The following CELF2 variants were observed in gnomAD, a reference collection of about 807,000 sequenced individuals.
CELF2 encodes the protein CUG triplet repeat RNA-binding protein 2.
A neutral mutation model predicts 62.6 loss-of-function variants in CELF2; 8 were observed. That is an observed-to-expected ratio of 0.13 (90% CI 0.07 to 0.23). The LOEUF (loss-of-function observed/expected upper bound fraction) is 0.23, where lower values mean the gene tolerates loss of function less well. Among genes scored for constraint, CELF2 ranks in the 10% least tolerant of loss-of-function variants. CELF2 has a pLI of 1.00. For synonymous variants in CELF2, 258 were observed against 250.0 expected (o/e 1.03, Z -0.30); for missense variants, 333 against 671.0 (o/e 0.50, Z 5.56).
chr10:10,577,940 C>A, the CELF2 span, among the ~76,000 whole-genome samples: 2 of 152,214 alleles, frequency 1.3e-5, no homozygotes, highest in Non-Finnish European at 2.9e-5. Context: ...GCCACACCGA[C>A]TTCCGCAATG....
chr10:11,197,788 G>A (rs1356246211), intron 2 of CELF2, among the ~76,000 whole-genome samples: 2 of 152,192 alleles, frequency 1.3e-5, no homozygotes, highest in Non-Finnish European at 2.9e-5. Context: ...CATGCTTAGT[G>A]TGCTAGTATA....
Position 11,220,682 on chromosome 10 carries a change from TA to T in CELF2, c.354+3178del, listed in dbSNP as rs1565381445. Among the ~76,000 whole-genome samples, 1 of 152,124 alleles carries T rather than the reference TA, an allele frequency of 6.6e-6. No individual in the cohort carries two copies. Among genetic ancestry groups the T allele is most frequent in the Admixed American group, 6.5e-5 (1 of 15,282 alleles). The stretch of plus-strand genomic sequence containing the variant: ...AACCCTAGAAATACAATGGCAGTCA[TA>T]AAGGAAGCAAATTCAACAGCTCAAC... On this transcript the variant is annotated intron_variant, in intron 3 of 12. Coordinates refer to ENST00000633077, the MANE Select transcript of CELF2 (RefSeq NM_001326342.2). The surrounding 1 kb of genome is among the most constrained non-coding windows in gnomAD (Gnocchi z 4.4).
At chr10:10,773,307 AC>A in the CELF2 span, among the ~76,000 whole-genome samples, 2 of 152,236 alleles carry the variant, frequency 1.3e-5, no homozygotes, top group African/African-American at 2.4e-5. Context: ...ATAGGCACAA[AC>A]AAAAAGCTAT....
intron 1 of CELF2, among the ~76,000 whole-genome samples, chr10:10,876,302 G>C (rs950313771): frequency 1.3e-5 from 2 of 152,092 alleles, no homozygotes; most frequent in Admixed American, 1.3e-4. Context: ...GGAAGAGAGC[G>C]CTCCCATTGT....
chr10:10,578,428 T>C, the CELF2 span, among the ~76,000 whole-genome samples: 1 of 152,194 alleles, frequency 6.6e-6, no homozygotes, highest in African/African-American at 2.4e-5. Context: ...AGACATGAAG[T>C]CCTTGCCCAT....
In CELF2 at chr10:11,243,327, C is replaced by G. The variant is rs886490122; in HGVS notation, c.355-5826C>G. Among the ~76,000 whole-genome samples, 2 of 150,498 alleles carry G rather than the reference C, an allele frequency of 1.3e-5. No individual in the cohort carries two copies. The highest frequency in any genetic ancestry group is 4.9e-5 in the African/African-American group (2 of 40,614). On this transcript the variant is annotated intron_variant, in intron 3 of 12. Transcript: ENST00000633077. This position sits in a 1 kb window ranked among gnomAD's most constrained non-coding sequence, Gnocchi z 4.1. ...TAGAGACCAAGAAGTTAACCATGTA[C>G]CTTAACGTGCGGCTTTAGGCAAAAT...
At chr10:11,199,105 C>T (rs948889854) in intron 2 of CELF2, among the ~76,000 whole-genome samples, 4 of 152,166 alleles carry the variant, frequency 2.6e-5, no homozygotes, top group Non-Finnish European at 5.9e-5. Context: ...AATTGTATGA[C>T]TGTTCTCTAG....
the CELF2 span, among the ~76,000 whole-genome samples, chr10:10,654,505 A>G: frequency 9.1e-6 from 1 of 109,580 alleles, no homozygotes; most frequent in Admixed American, 9.4e-5. Flanking sequence ...CAGCACATCA[A>G]AAAGCTTATC....
intron 1 of CELF2, among the ~76,000 whole-genome samples, chr10:10,836,513 TGAAA>T (rs2058298393): frequency 6.6e-6 from 1 of 152,244 alleles, no homozygotes. Context: ...TAGATTGGAC[TGAAA>T]GAGAGAGAGG....
At chr10:11,129,924 T>G (rs1375329954) in intron 1 of CELF2, among the ~76,000 whole-genome samples, 5 of 152,178 alleles carry the variant, frequency 3.3e-5, no homozygotes. Context: ...GCTTTTAAAT[T>G]TGTTTGCTCT....
chr10:10,591,730 T>G, the CELF2 span, among the ~76,000 whole-genome samples: 1 of 152,236 alleles, frequency 6.6e-6, no homozygotes, highest in Non-Finnish European at 1.5e-5. Context: ...AATGGGAATC[T>G]GTGGCAATTC....
At chr10:11,170,463 T>C (rs1281089722) in intron 2 of CELF2, among the ~76,000 whole-genome samples, 3 of 152,090 alleles carry the variant, frequency 2.0e-5, no homozygotes, top group Non-Finnish European at 4.4e-5. Context: ...CGGTCACACT[T>C]AGATCATGTC....
At chr10:10,512,765 T>G in the CELF2 span, among the ~76,000 whole-genome samples, 1 of 152,192 alleles carries the variant, frequency 6.6e-6, no homozygotes, top group Non-Finnish European at 1.5e-5. Context: ...TGCTGTTTGG[T>G]CAGTTCCTCC....
the CELF2 span, among the ~76,000 whole-genome samples, chr10:10,710,930 G>C: frequency 1.3e-5 from 2 of 152,206 alleles, no homozygotes; most frequent in African/African-American, 4.8e-5. Flanking sequence ...ATTAAGGTGA[G>C]TGCTAAGAAT....
At chr10:10,802,109 T>A (rs182524900) in intron 1 of CELF2, among the ~76,000 whole-genome samples, 70 of 152,222 alleles carry the variant, frequency 4.6e-4, no homozygotes, top group Middle Eastern at 3.4e-3. Flanking sequence ...AGAAAAAAAT[T>A]CAAAAGCTAA....
the CELF2 span, among the ~76,000 whole-genome samples, chr10:10,521,569 T>C: frequency 1.3e-5 from 2 of 152,218 alleles, no homozygotes; most frequent in Non-Finnish European, 2.9e-5. Flanking sequence ...AACTGCTAGA[T>C]CCTGTTATTA....
At chr10:10,973,380 C>T (rs1819460933) in intron 2 of CELF2, among the ~76,000 whole-genome samples, 1 of 152,158 alleles carries the variant, frequency 6.6e-6, no homozygotes, top group African/African-American at 2.4e-5. Context: ...GACATCCCAC[C>T]TCAGCAGAGG....
chr10:11,139,594 A>T (rs2060974591), intron 1 of CELF2, among the ~76,000 whole-genome samples: 4 of 152,222 alleles, frequency 2.6e-5, no homozygotes. Context: ...TTATGTAAAA[A>T]TGTAACCTAC....
chr10:10,812,408 T>G (rs1380420776), intron 1 of CELF2, among the ~76,000 whole-genome samples: 1 of 152,142 alleles, frequency 6.6e-6, no homozygotes, highest in Non-Finnish European at 1.5e-5. Context: ...AAGATGAGAT[T>G]TGGGTGGGGA....
Sources: allele counts gnomAD v4.1 joint callset (sites outside exome capture counted in the v4.1 genomes callset), GRCh38; gene constraint gnomAD v4.1.1; non-coding constraint Gnocchi (gnomAD v3.1); transcripts MANE v1.5; gene names NCBI Gene and HGNC (gene_info 2026-07-23, HGNC 2026-07-21).